The following STAT1 variants were observed in gnomAD, a reference collection of about 807,000 sequenced individuals.
STAT1 encodes the protein signal transducer and activator of transcription 1, also known as signal transducer and activator of transcription 1-alpha/beta.
Under a neutral mutation model 111.7 loss-of-function variants are expected in STAT1, and 24 were observed. The observed-to-expected ratio is 0.21, with a 90% CI of 0.16 to 0.30. The LOEUF is 0.30. Ranked by LOEUF, STAT1 falls within the 10% of genes least tolerant of loss-of-function variation. The pLI is 1.00. For missense variants in STAT1, 351 were observed against 911.9 expected, an observed-to-expected ratio of 0.38 and a Z score of 7.92; for synonymous variants, 332 against 326.5, an observed-to-expected ratio of 1.02 and a Z score of -0.18.
chr2:191,010,108 C>T (rs887968499), intron 2 of STAT1, 104 bp from the exon 3 acceptor site: 13 of 1,313,092 alleles, frequency 9.9e-6, no homozygotes, highest in Non-Finnish European at 1.4e-5. Context: ...CTTGCTTAAT[C>T]CAAAACATAG....
chr2:190,972,706 T>C (rs560122845), intron 24 of STAT1, among the ~76,000 whole-genome samples: 1 of 152,048 alleles, frequency 6.6e-6, no homozygotes, highest in South Asian at 2.1e-4. Flanking sequence ...GCCGTGCCTA[T>C]ATTATGAACT....
chr2:191,004,554 G>C lies in STAT1; in HGVS notation c.372+3009C>G, dbSNP rs565637734. Among the ~76,000 whole-genome samples, 26 of 152,308 alleles carry C rather than the reference G, an allele frequency of 1.7e-4. No individual in the cohort carries two copies. In the South Asian group the frequency reaches 4.8e-3, roughly 28 times the overall value. ...AAAACTGAAAAGTGACTTCTCCAGT[G>C]AACTAGTTTTAGAGTTGGACAATAC... is the stretch of plus-strand genomic sequence containing the variant. On this transcript the variant is annotated intron_variant, in intron 5 of 24. Coordinates refer to ENST00000361099, the MANE Select transcript of STAT1 (RefSeq NM_007315.4). The surrounding 1 kb of genome is among the most constrained non-coding windows in gnomAD (Gnocchi z 5.0).
chr2:190,983,800 C>T lies in STAT1; in HGVS notation c.1348-60G>A, dbSNP rs1692569887. ...TCACAGAAATGTCACCTTCAGATAA[C>T]TGCTTAGCCTCAACTAAAAGCAGGG... On this transcript the variant is annotated intron_variant, in intron 16 of 24. Transcript: ENST00000361099. The surrounding 1 kb of genome is among the most constrained non-coding windows in gnomAD (Gnocchi z 5.7). 5.1e-6 allele frequency: 7 copies of T among 1,379,898 alleles called. No homozygotes were observed. The South Asian group carries it at 6.9e-5, about 14-fold the overall frequency. 85.5% of individuals were successfully genotyped at this position (1,379,898 alleles called of 1,614,324 possible).
rs1012098424 is a variant in STAT1 at position 190,977,977 on chromosome 2, C to T, written c.1873+879G>A. On this transcript the variant is annotated intron_variant, in intron 21 of 24. Coordinates refer to ENST00000361099, the MANE Select transcript of STAT1 (RefSeq NM_007315.4). This position sits in a 1 kb window ranked among gnomAD's most constrained non-coding sequence, Gnocchi z 4.7. ...AAATAAACAGAACAAGAAAGAATAC[C>T]GTTCCAGAAAAAAAAAATAGAAGAG... Among the ~76,000 whole-genome samples the T allele has an allele frequency of 2.0e-5, 3 of 150,074 alleles. No individual in the cohort carries two copies. Among genetic ancestry groups the T allele is most frequent in the Admixed American group, 2.0e-4 (3 of 15,088 alleles).
chr2:190,999,021 G>C lies in STAT1; in HGVS notation c.541+605C>G, dbSNP rs1237922839. Among the ~76,000 whole-genome samples the C allele has an allele frequency of 6.6e-6, 1 of 152,094 alleles. No homozygotes were observed. Among genetic ancestry groups the C allele is most frequent in the Non-Finnish European group, 1.5e-5 (1 of 68,020 alleles). On this transcript the variant is annotated intron_variant, in intron 7 of 24. Coordinates refer to ENST00000361099, the MANE Select transcript of STAT1 (RefSeq NM_007315.4). The surrounding 1 kb of genome is among the most constrained non-coding windows in gnomAD (Gnocchi z 4.1). Reference sequence around the variant, plus strand: ...ACCCCAGATGATGAATAGAGTAACAGCAGTACCCTACGTGTCCTACACAAT... The same window carrying C: ...ACCCCAGATGATGAATAGAGTAACACCAGTACCCTACGTGTCCTACACAAT...
In STAT1 at chr2:190,974,769, T is replaced by A; in HGVS notation, c.2238+61A>T. On this transcript the variant is annotated intron_variant, in intron 24 of 24. Coordinates refer to ENST00000361099, the MANE Select transcript of STAT1 (RefSeq NM_007315.4). The surrounding 1 kb of genome is among the most constrained non-coding windows in gnomAD (Gnocchi z 4.8). Reference sequence around the variant, plus strand: ...AGGCCCGGGATCTGCCATGGTGCGCTCCCTGCCTCTGAGCACACACACTTA... The same window carrying A: ...AGGCCCGGGATCTGCCATGGTGCGCACCCTGCCTCTGAGCACACACACTTA... 3 of 1,457,780 alleles carry A rather than the reference T, an allele frequency of 2.1e-6. No homozygotes were observed. The highest frequency in any genetic ancestry group is 1.9e-6 in the Non-Finnish European group (2 of 1,038,252). The allele number at this position is 1,457,780 out of a possible 1,614,324, so 90.3% of individuals were successfully genotyped here.
chr2:191,013,392 G>A (rs1023541890), intron 2 of STAT1, 133 bp downstream of exon 2: 6 of 370,012 alleles, frequency 1.6e-5, no homozygotes, highest in East Asian at 3.9e-5. Flanking sequence ...TTTGGGGTGG[G>A]GGGTCTGCAA....
chr2:191,000,802 G>A lies in STAT1; in HGVS notation c.462+272C>T, dbSNP rs545592403. On this transcript the variant is annotated intron_variant, in intron 6 of 24. Coordinates refer to ENST00000361099, the MANE Select transcript of STAT1 (RefSeq NM_007315.4). This position sits in a 1 kb window ranked among gnomAD's most constrained non-coding sequence, Gnocchi z 4.8. ...AGAGCAGCAACATCTCATTTACTGG[G>A]TACTGGGCAAAGTCAACATTTACTG... 6.6e-6 allele frequency among the ~76,000 whole-genome samples: 1 copy of A among 152,240 alleles called. No individual in the cohort carries two copies. The highest frequency in any genetic ancestry group is 6.5e-5 in the Admixed American group (1 of 15,286).
rs764871770 is a variant in STAT1 at position 191,009,032 on chromosome 2, A to G, written c.204T>C (p.Tyr68=). The G allele has an allele frequency of 5.6e-6, 9 of 1,614,082 alleles. No homozygotes were observed. Among genetic ancestry groups the G allele is most frequent in the South Asian group, 4.4e-5 (4 of 91,086 alleles). Residue 68 remains tyrosine (Y), a synonymous_variant, in exon 4 of 25, where the codon TAT becomes TAC. Coordinates refer to ENST00000361099, the MANE Select transcript of STAT1 (RefSeq NM_007315.4). ...AGTTATTCTCCAAAGAAAAGCGACTATATTGATCATCCAGCTGTGACAGGA... is the reference window on the plus strand; with the variant it reads ...AGTTATTCTCCAAAGAAAAGCGACTGTATTGATCATCCAGCTGTGACAGGA... The part of the protein sequence containing the change: ...HDLLSQLDDQ[Y]SRFSLENNFL...
At chr2:190,972,816 G>GGTGTGTGTGTGT (rs34975356) in intron 24 of STAT1, among the ~76,000 whole-genome samples, 66 of 136,416 alleles carry the variant, frequency 4.8e-4, no homozygotes, top group Middle Eastern at 3.5e-3. Context: ...GTGTATAGAG[G>GGTGTGTGTGTGT]GTGTGTGTGT....
Position 190,989,806 on chromosome 2 carries a change from G to A in STAT1, c.1038-132C>T. ...TTAGGGTATTACCAACAAAAAAACT[G>A]ACAGTTTTGTAGATCTACTTAAATT... On this transcript the variant is annotated intron_variant, in intron 11 of 24. Transcript: ENST00000361099. This position sits in a 1 kb window ranked among gnomAD's most constrained non-coding sequence, Gnocchi z 5.0. The A allele has an allele frequency of 3.0e-6, 2 of 656,434 alleles. 1 individual carries two copies. The highest frequency in any genetic ancestry group is 5.3e-6 in the Non-Finnish European group (2 of 374,358). The allele number at this position is 656,434 out of a possible 1,614,324, so 40.7% of individuals were successfully genotyped here. A position where few individuals can be genotyped will look rare whatever the true frequency, so the allele number is the denominator to read the frequency against.
intron 5 of STAT1, among the ~76,000 whole-genome samples, chr2:191,002,282 T>C (rs1341256078): frequency 3.3e-5 from 5 of 152,200 alleles, no homozygotes; most frequent in Non-Finnish European, 7.3e-5. Flanking sequence ...GTCCATTATT[T>C]TCCCCAGTGC....
chr2:191,009,209 T>G lies in STAT1; in HGVS notation c.129-102A>C. 3 of 1,368,336 alleles carry G rather than the reference T, an allele frequency of 2.2e-6. No individual in the cohort carries two copies. In the South Asian group the frequency reaches 4.0e-5, roughly 18 times the overall value. The allele number at this position is 1,368,336 out of a possible 1,614,324, so 84.8% of individuals were successfully genotyped here. ...CCTTATTGAAATTATTAAAAATAATTTAAGTATTTTCTTAGGTTTATTTTC... is the reference window on the plus strand; with the variant it reads ...CCTTATTGAAATTATTAAAAATAATGTAAGTATTTTCTTAGGTTTATTTTC... On this transcript the variant is annotated intron_variant, in intron 3 of 24. Coordinates refer to ENST00000361099, the MANE Select transcript of STAT1 (RefSeq NM_007315.4).
At chr2:191,009,205 T>C (rs1287652318) in intron 3 of STAT1, 98 bp from the exon 4 acceptor site, 1 of 1,380,504 alleles carries the variant, frequency 7.2e-7, no homozygotes, top group East Asian at 2.5e-5. Flanking sequence ...TTATTAAAAA[T>C]AATTTAAGTA....
intron 2 of STAT1, 25 bp from the exon 3 acceptor site, chr2:191,010,029 C>A (rs772643274): frequency 2.5e-6 from 4 of 1,612,790 alleles, no homozygotes; most frequent in African/African-American, 2.7e-5. Flanking sequence ...AATATACATT[C>A]TTTCTATGTA....
At chr2:191,005,237 C>T (rs1694592322) in intron 5 of STAT1, among the ~76,000 whole-genome samples, 1 of 152,172 alleles carries the variant, frequency 6.6e-6, no homozygotes. Context: ...CTTGTTTCAT[C>T]CCTATTCTCC....
At position 191,006,654 on chromosome 2, in the gene STAT1, T is replaced by A. The variant is rs1444640563; in HGVS notation, c.372+909A>T. 1.3e-5 allele frequency among the ~76,000 whole-genome samples: 2 copies of A among 152,226 alleles called. No homozygotes were observed. Among genetic ancestry groups the A allele is most frequent in the African/African-American group, 4.8e-5 (2 of 41,462 alleles). On this transcript the variant is annotated intron_variant, in intron 5 of 24. Transcript: ENST00000361099. This position sits in a 1 kb window ranked among gnomAD's most constrained non-coding sequence, Gnocchi z 4.6. ...GGCTCCTCCAGAACAATCCATAACA[T>A]GGTGGCTTCACACTGCCTGCCTGTT...
intron 5 of STAT1, among the ~76,000 whole-genome samples, chr2:191,002,403 G>A (rs1419425221): frequency 6.6e-6 from 1 of 152,082 alleles, no homozygotes; most frequent in African/African-American, 2.4e-5. Context: ...ACCCTTGAAG[G>A]ATGTTTGACT....
In STAT1 at chr2:190,999,749, C is replaced by T. The variant is rs971834258; in HGVS notation, c.463-45G>A. ...CATGTTTTCTACTGATCAGCAACTT[C>T]CAAAGACTTTAGGCAACAGAGTATT... On this transcript the variant is annotated intron_variant, in intron 6 of 24. Coordinates refer to ENST00000361099, the MANE Select transcript of STAT1 (RefSeq NM_007315.4). The surrounding 1 kb of genome is among the most constrained non-coding windows in gnomAD (Gnocchi z 4.1). 7.1e-7 allele frequency: 1 copy of T among 1,410,400 alleles called. No homozygotes were observed. The highest frequency in any genetic ancestry group is 1.0e-6 in the Non-Finnish European group (1 of 997,052). The allele number at this position is 1,410,400 out of a possible 1,614,324, so 87.4% of individuals were successfully genotyped here.
Sources: allele counts gnomAD v4.1 joint callset (sites outside exome capture counted in the v4.1 genomes callset), GRCh38; gene constraint gnomAD v4.1.1; non-coding constraint Gnocchi (gnomAD v3.1); transcripts MANE v1.5; gene names NCBI Gene and HGNC (gene_info 2026-07-23, HGNC 2026-07-21).